The following LCORL variants were observed in gnomAD, a reference collection of about 807,000 sequenced individuals.
The protein encoded by LCORL is ligand-dependent nuclear receptor corepressor-like protein.
In LCORL, 41 loss-of-function variants were observed where a neutral mutation model predicts 141.8. That is an observed-to-expected ratio of 0.29 (90% CI 0.23 to 0.38). The LOEUF is 0.38. Among genes scored for constraint, LCORL ranks in the 10% least tolerant of loss-of-function variants. The pLI is 1.00. For synonymous variants in LCORL, 618 were observed against 694.1 expected, an observed-to-expected ratio of 0.89 and a Z score of 1.72; for missense variants, 1,759 against 2,035.0, an observed-to-expected ratio of 0.86 and a Z score of 2.61.
rs542001028 is a variant in LCORL, at chr4:17,905,959, T to C, written c.682+3135A>G. On this transcript the variant is annotated intron_variant, in intron 5 of 7. Transcript: ENST00000635767. ...AAAGGTTAAATTCTTAAGGAAGCTA[T>C]GTGAAATATGGGTTTATACTTTCTA... Among the ~76,000 whole-genome samples, 10 of 152,318 alleles carry C rather than the reference T, an allele frequency of 6.6e-5. No individual in the cohort carries two copies. The South Asian group carries it at 1.4e-3, about 22-fold the overall frequency.
chr4:17,962,045 G>T lies in LCORL; in HGVS notation c.301-13C>A. 6.5e-7 allele frequency: 1 copy of T among 1,548,202 alleles called. No homozygotes were observed. Among genetic ancestry groups the T allele is most frequent in the Non-Finnish European group, 8.7e-7 (1 of 1,145,708 alleles). ...ATGGTATACAATCCTAAAAGTATAAGAAAACAACAACATACAGAATTATTT... is the reference window on the plus strand; with the variant it reads ...ATGGTATACAATCCTAAAAGTATAATAAAACAACAACATACAGAATTATTT... On this transcript the variant is annotated splice_polypyrimidine_tract_variant and intron_variant, in intron 3 of 7. Transcript: ENST00000635767.
chr4:17,857,680 T>A (rs1208225357), intron 7 of LCORL, among the ~76,000 whole-genome samples: 1 of 152,180 alleles, frequency 6.6e-6, no homozygotes, highest in East Asian at 1.9e-4. Flanking sequence ...TTTAGTAGAA[T>A]CCCTAGACTT....
intron 1 of LCORL, among the ~76,000 whole-genome samples, chr4:18,017,786 T>A (rs1226730478): frequency 6.6e-6 from 1 of 152,132 alleles, no homozygotes; most frequent in Non-Finnish European, 1.5e-5. Flanking sequence ...TAAACAGATA[T>A]AATCTGAATA....
chr4:17,988,204 C>T (rs967981442), intron 1 of LCORL, among the ~76,000 whole-genome samples: 3 of 152,176 alleles, frequency 2.0e-5, no homozygotes, highest in Non-Finnish European at 2.9e-5. Context: ...GAGGCCTCCC[C>T]AGCCATGTGG....
At chr4:17,978,562 A>AAAAAAAAAAAAAAT in intron 1 of LCORL, among the ~76,000 whole-genome samples, 1 of 150,044 alleles carries the variant, frequency 6.7e-6, no homozygotes, top group African/African-American at 2.5e-5. Flanking sequence ...ACATCACCAT[A>AAAAAAAAAAAAAAT]GAGCAAGACC....
intron 6 of LCORL, chr4:17,882,036 A>C: frequency 2.0e-6 from 2 of 983,804 alleles, no homozygotes; most frequent in Non-Finnish European, 2.4e-6. Context: ...TAATAGCTGA[A>C]GAGGGTTAAG....
At chr4:17,873,432 G>A in exon 7 of LCORL, 1 of 1,233,786 alleles carries the variant, frequency 8.1e-7, no homozygotes, top group Non-Finnish European at 1.0e-6. Flanking sequence ...ACTGTTGCAA[G>A]ACTGTCGTTT....
At chr4:17,971,754 CT>C (rs1715989368) in intron 2 of LCORL, among the ~76,000 whole-genome samples, 1 of 151,570 alleles carries the variant, frequency 6.6e-6, no homozygotes, top group Non-Finnish European at 1.5e-5. Context: ...TAAACTTGTT[CT>C]TTGGCCTAAA....
At chr4:17,842,435 A>G in exon 8 of LCORL, 1 of 1,422,050 alleles carries the variant, frequency 7.0e-7, no homozygotes, top group Non-Finnish European at 9.9e-7. Flanking sequence ...TTATTTCTAC[A>G]AGTAGAAAAA....
At chr4:17,998,986 ATATATATATATATAT>A (rs1721421230) in intron 1 of LCORL, among the ~76,000 whole-genome samples, 7 of 49,730 alleles carry the variant, frequency 1.4e-4, no homozygotes, top group African/African-American at 4.9e-4. Context: ...AAAAAAAAAA[ATATATATATATATAT>A]ATACACACAT....
At chr4:17,942,029 A>G (rs1041996927) in intron 4 of LCORL, among the ~76,000 whole-genome samples, 11 of 152,160 alleles carry the variant, frequency 7.2e-5, no homozygotes, top group African/African-American at 2.7e-4. Flanking sequence ...GGTGCCACAA[A>G]TATCTGACTT....
chr4:17,848,864 C>G lies in LCORL; in HGVS notation c.5603-2963G>C, dbSNP rs549784147. Among the ~76,000 whole-genome samples the G allele has an allele frequency of 2.0e-5, 3 of 152,364 alleles. No individual in the cohort carries two copies. The East Asian group carries it at 5.8e-4, about 29-fold the overall frequency. The stretch of plus-strand genomic sequence containing the variant: ...TTTCCGACGGGCTTAAAAAACGGCA[C>G]ACCAGGAGATTATATCCCACACCTG... On this transcript the variant is annotated intron_variant, in intron 7 of 7. Coordinates refer to ENST00000635767, the Ensembl canonical transcript of LCORL.
At chr4:17,893,236 T>G in intron 5 of LCORL, 1 of 344,600 alleles carries the variant, frequency 2.9e-6, no homozygotes, top group Non-Finnish European at 4.1e-6. Flanking sequence ...TACATTCTTT[T>G]AGATCCAGCA....
At chr4:17,857,643 G>C (rs1388926634) in intron 7 of LCORL, among the ~76,000 whole-genome samples, 1 of 152,000 alleles carries the variant, frequency 6.6e-6, no homozygotes, top group Non-Finnish European at 1.5e-5. Flanking sequence ...CTTTGTTTTG[G>C]GGGGCTGTGC....
chr4:18,007,274 T>A (rs1210554783), intron 1 of LCORL, among the ~76,000 whole-genome samples: 1 of 152,232 alleles, frequency 6.6e-6, no homozygotes, highest in African/African-American at 2.4e-5. Context: ...AAGACAGTTA[T>A]GAAAATCAAA....
intron 6 of LCORL, among the ~76,000 whole-genome samples, chr4:17,885,362 T>C (rs1452098103): frequency 1.3e-5 from 2 of 151,980 alleles, no homozygotes; most frequent in East Asian, 3.9e-4. Context: ...ATTTTCAAAG[T>C]TTCTCAAACA....
At chr4:17,899,514 T>C (rs569855493) in intron 5 of LCORL, among the ~76,000 whole-genome samples, 7 of 152,096 alleles carry the variant, frequency 4.6e-5, no homozygotes, top group Non-Finnish European at 7.4e-5. Flanking sequence ...TCCAGAGTGG[T>C]AGGCAGGAAC....
intron 2 of LCORL, among the ~76,000 whole-genome samples, chr4:17,968,935 C>T (rs1715431494): frequency 1.3e-5 from 2 of 152,136 alleles, no homozygotes; most frequent in African/African-American, 4.8e-5. Context: ...TGTTGCCACA[C>T]CTAGAGAAAA....
At chr4:17,936,918 A>C (rs907129230) in intron 4 of LCORL, among the ~76,000 whole-genome samples, 4 of 152,198 alleles carry the variant, frequency 2.6e-5, no homozygotes, top group African/African-American at 9.6e-5. Context: ...CATGTACAAT[A>C]AAGTTGAACA....
Sources: gnomAD v4.1 joint callset for allele counts (sites outside exome capture counted in the v4.1 genomes callset) on GRCh38, gnomAD v4.1.1 for gene constraint, MANE v1.5 for transcripts, NCBI Gene and HGNC (gene_info 2026-07-23, HGNC 2026-07-21) for gene names.